Variants in TRPC4 observed in about 807,000 individuals in gnomAD.
TRPC4 encodes the protein transient receptor potential cation channel subfamily C member 4, also known as short transient receptor potential channel 4.
A neutral mutation model predicts 99.4 loss-of-function variants in TRPC4; 49 were observed. The observed-to-expected ratio is 0.49, with a 90% confidence interval of 0.39 to 0.63. The LOEUF is 0.63. Among genes scored for constraint, TRPC4 ranks in the 20% least tolerant of loss-of-function variants. The pLI, the probability that TRPC4 is intolerant of heterozygous loss-of-function variation, is 0.00. For missense variants in TRPC4, 898 were observed against 1,152.9 expected, an observed-to-expected ratio of 0.78 and a Z score of 3.20; for synonymous variants, 454 against 425.9, an observed-to-expected ratio of 1.07 and a Z score of -0.81.
At chr13:37,757,312 A>G (rs1956122107) in intron 2 of TRPC4, among the ~76,000 whole-genome samples, 1 of 152,038 alleles carries the variant, frequency 6.6e-6, no homozygotes, top group African/African-American at 2.4e-5. Flanking sequence ...AGGAAATTAC[A>G]TATTCCATTT....
chr13:37,676,787 C>A (rs1311835167), intron 4 of TRPC4, among the ~76,000 whole-genome samples: 1 of 100,240 alleles, frequency 1.0e-5, no homozygotes, highest in African/African-American at 3.9e-5. Context: ...CAATCAAAAT[C>A]TGAGACGATT....
chr13:37,771,550 T>C (rs1956549769), intron 2 of TRPC4, among the ~76,000 whole-genome samples: 2 of 126,948 alleles, frequency 1.6e-5, no homozygotes, highest in Non-Finnish European at 3.2e-5. Flanking sequence ...GAAGGTATAG[T>C]GTGCATGAGT....
intron 4 of TRPC4, among the ~76,000 whole-genome samples, chr13:37,677,171 T>C (rs1953088553): frequency 6.6e-6 from 1 of 152,042 alleles, no homozygotes; most frequent in Non-Finnish European, 1.5e-5. Context: ...ATTAATATTT[T>C]ATATTGTAAA....
chr13:37,805,243 T>C (rs1957502115), intron 1 of TRPC4, among the ~76,000 whole-genome samples: 1 of 151,938 alleles, frequency 6.6e-6, no homozygotes, highest in Non-Finnish European at 1.5e-5. Context: ...TATTTTGGGA[T>C]GGTGTATAAT....
intron 3 of TRPC4, among the ~76,000 whole-genome samples, chr13:37,698,234 C>T (rs191080316): frequency 3.8e-5 from 5 of 130,996 alleles, no homozygotes; most frequent in Non-Finnish European, 6.2e-5. Flanking sequence ...AATCTCAGCT[C>T]ATTGCAAGCT....
chr13:37,860,330 C>G (rs528698865), intron 1 of TRPC4, among the ~76,000 whole-genome samples: 3 of 151,156 alleles, frequency 2.0e-5, no homozygotes, highest in Admixed American at 6.6e-5. Flanking sequence ...GTGTAAAACA[C>G]TCAAACCCAC....
At chr13:37,785,822 A>G (rs1956956568) in intron 1 of TRPC4, among the ~76,000 whole-genome samples, 1 of 152,164 alleles carries the variant, frequency 6.6e-6, no homozygotes, top group Non-Finnish European at 1.5e-5. Flanking sequence ...TGGACAAAAC[A>G]GAAGCTACTG....
chr13:37,730,254 T>C (rs957562323), intron 3 of TRPC4, among the ~76,000 whole-genome samples: 2 of 152,108 alleles, frequency 1.3e-5, no homozygotes, highest in African/African-American at 4.8e-5. Flanking sequence ...GGGGAGGTTG[T>C]TTATTATTAT....
chr13:37,758,840 T>C (rs934959326), intron 2 of TRPC4, among the ~76,000 whole-genome samples: 6 of 151,578 alleles, frequency 4.0e-5, no homozygotes, highest in African/African-American at 7.2e-5. Flanking sequence ...TTATAGGGCA[T>C]AAAATAAAAT....
At chr13:37,727,947 T>G (rs1181718686) in intron 3 of TRPC4, among the ~76,000 whole-genome samples, 1 of 152,090 alleles carries the variant, frequency 6.6e-6, no homozygotes, top group African/African-American at 2.4e-5. Context: ...AAAATCATAC[T>G]ATTTTCTCAA....
At chr13:37,835,024 C>A (rs1255863486) in intron 1 of TRPC4, among the ~76,000 whole-genome samples, 1 of 150,526 alleles carries the variant, frequency 6.6e-6, no homozygotes, top group East Asian at 2.0e-4. Flanking sequence ...CATGAACCAC[C>A]AGCAGGCCCA....
intron 1 of TRPC4, among the ~76,000 whole-genome samples, chr13:37,818,915 C>T (rs1957937388): frequency 1.3e-5 from 2 of 151,690 alleles, no homozygotes; most frequent in Admixed American, 6.6e-5. Flanking sequence ...CAAACCTGCA[C>T]GTTCTGCATA....
Position 37,861,496 on chromosome 13 carries a change from A to T in TRPC4, c.-28+8099T>A, listed in dbSNP as rs578048671. On this transcript the variant is annotated intron_variant, in intron 1 of 10. Transcript: ENST00000379705. ...TTAGTGGTTCATTGCTAAATACAAT[A>T]GAATGCAAAGCAGTTCTTATTCTTC... 1.3e-3 allele frequency among the ~76,000 whole-genome samples: 203 copies of T among 151,758 alleles called. 2 individuals are homozygous for T. The South Asian group carries it at 0.04, about 30-fold the overall frequency.
At chr13:37,750,415 T>C (rs1955901626) in intron 2 of TRPC4, among the ~76,000 whole-genome samples, 1 of 152,142 alleles carries the variant, frequency 6.6e-6, no homozygotes, top group Non-Finnish European at 1.5e-5. Flanking sequence ...ACGTTGGTTT[T>C]ATTTATTATA....
intron 3 of TRPC4, among the ~76,000 whole-genome samples, chr13:37,695,299 A>T (rs1375422587): frequency 1.3e-5 from 2 of 151,872 alleles, no homozygotes; most frequent in Non-Finnish European, 1.5e-5. Flanking sequence ...GCTTTACTCC[A>T]ACTCCCTCTG....
At chr13:37,851,933 A>G (rs962181344) in intron 1 of TRPC4, among the ~76,000 whole-genome samples, 1 of 152,190 alleles carries the variant, frequency 6.6e-6, no homozygotes, top group African/African-American at 2.4e-5. Context: ...GCACAGAGGG[A>G]GCATTTGAAC....
intron 3 of TRPC4, among the ~76,000 whole-genome samples, chr13:37,736,000 A>T (rs1244811727): frequency 6.6e-6 from 1 of 151,178 alleles, no homozygotes; most frequent in Non-Finnish European, 1.5e-5. Flanking sequence ...ACTGTGGGGG[A>T]AAAAAACACT....
intron 2 of TRPC4, among the ~76,000 whole-genome samples, chr13:37,757,133 T>G (rs1274183440): frequency 6.6e-6 from 1 of 151,926 alleles, no homozygotes; most frequent in Non-Finnish European, 1.5e-5. Context: ...ATTAGTACAT[T>G]AAATAAAAAG....
chr13:37,714,146 T>C (rs1954582911), intron 3 of TRPC4, among the ~76,000 whole-genome samples: 2 of 151,776 alleles, frequency 1.3e-5, no homozygotes, highest in Non-Finnish European at 2.9e-5. Context: ...TTCTCTCTCT[T>C]TTTTTTGTCT....
Sources: allele counts gnomAD v4.1 joint callset (sites outside exome capture counted in the v4.1 genomes callset), GRCh38; gene constraint gnomAD v4.1.1; transcripts MANE v1.5; gene names NCBI Gene and HGNC (gene_info 2026-07-23, HGNC 2026-07-21).